RFX6: variants seen among roughly 807,000 people sequenced by gnomAD.
The protein encoded by RFX6 is DNA-binding protein RFX6.
A neutral mutation model predicts 110.8 loss-of-function variants in RFX6; 50 were observed. The ratio of observed to expected loss-of-function variants is 0.45; its 90% CI spans 0.36 to 0.57. The LOEUF (loss-of-function observed/expected upper bound fraction) is 0.57. RFX6 is among the 20% of genes least tolerant of loss of function. The probability of loss-of-function intolerance (pLI) is 0.00; values close to 1 mark genes in which losing one functional copy is unlikely to be tolerated. For missense variants in RFX6, 990 were observed against 1,127.0 expected, an observed-to-expected ratio of 0.88 and a Z score of 1.74; for synonymous variants, 383 against 411.2, an observed-to-expected ratio of 0.93 and a Z score of 0.83.
chr6:116,892,650 C>T (rs963172917), intron 4 of RFX6, among the ~76,000 whole-genome samples: 3 of 152,162 alleles, frequency 2.0e-5, no homozygotes, highest in African/African-American at 7.2e-5. Context: ...TTCCCCACCA[C>T]CATGTTCCCA....
At chr6:116,917,459 A>C (rs1775493511) in intron 9 of RFX6, among the ~76,000 whole-genome samples, 1 of 151,996 alleles carries the variant, frequency 6.6e-6, no homozygotes, top group South Asian at 2.1e-4. Context: ...GAGGGGAGGC[A>C]GCTCCGTGAG....
chr6:116,884,163 C>T (rs1774650687), intron 4 of RFX6, among the ~76,000 whole-genome samples: 1 of 152,132 alleles, frequency 6.6e-6, no homozygotes, highest in African/African-American at 2.4e-5. Context: ...AAATTTTACC[C>T]ATTTGAAAGA....
intron 2 of RFX6, among the ~76,000 whole-genome samples, chr6:116,880,241 C>A (rs1392871182): frequency 6.6e-6 from 1 of 151,994 alleles, no homozygotes; most frequent in Non-Finnish European, 1.5e-5. Flanking sequence ...TGTCACAGAG[C>A]AAATCATGAT....
Position 116,922,156 on chromosome 6 carries a change from T to G in RFX6, c.1437+5T>G, listed in dbSNP as rs1775613909. ...GTAGAACAGAGAGTTATTAAGGTAC[T>G]TTTTAATGACAGATTCAGAAAATAA... On this transcript the variant is annotated splice_donor_5th_base_variant and intron_variant, in intron 13 of 18. Transcript: ENST00000332958. The G allele has an allele frequency of 4.1e-6, 5 of 1,226,402 alleles. No individual in the cohort carries two copies. The East Asian group carries it at 9.3e-5, about 23-fold the overall frequency. 76.0% of individuals were successfully genotyped at this position (1,226,402 alleles called of 1,614,324 possible). A position where few individuals can be genotyped will look rare whatever the true frequency, so the allele number is the denominator to read the frequency against.
At chr6:116,878,094 A>T (rs1459043015) in intron 2 of RFX6, 142 bp downstream of exon 2, 15 of 863,918 alleles carry the variant, frequency 1.7e-5, no homozygotes, top group Admixed American at 1.6e-4. Context: ...TTAACCCAGA[A>T]TTTTTTTCAC....
intron 4 of RFX6, 85 bp downstream of exon 4, chr6:116,882,513 A>G (rs555468931): frequency 2.1e-6 from 2 of 947,674 alleles, no homozygotes; most frequent in Admixed American, 1.7e-5. Context: ...CTTTGTCAGT[A>G]CAAAGAGAAC....
intron 7 of RFX6, among the ~76,000 whole-genome samples, chr6:116,913,519 T>C (rs1430109390): frequency 6.6e-6 from 1 of 152,190 alleles, no homozygotes; most frequent in Non-Finnish European, 1.5e-5. Context: ...AGCTAAGCCT[T>C]GCCTCTGCTC....
chr6:116,916,420 A>T (rs1194553971), intron 9 of RFX6, 106 bp downstream of exon 9: 21 of 785,130 alleles, frequency 2.7e-5, no homozygotes, highest in Non-Finnish European at 4.2e-5. Flanking sequence ...TTATGGCTGG[A>T]TATACACTGT....
intron 6 of RFX6, among the ~76,000 whole-genome samples, chr6:116,908,596 A>G (rs562135414): frequency 1.3e-5 from 2 of 151,970 alleles, no homozygotes; most frequent in South Asian, 4.2e-4. Flanking sequence ...TTTTACCACT[A>G]AGTAAGACAT....
rs775683044 is a variant in RFX6 at position 116,931,351 on chromosome 6, A to C, written c.2632A>C (p.Ile878Leu). ...PVLASSLQTP[I>L]PSSSSQCMYG... The stretch of plus-strand genomic sequence containing the variant: ...TACAGCTTCCAGTTTGCAAACCCCA[A>C]TTCCTTCTTCCTCATCCCAATGTAT... Residue 878 changes from isoleucine to leucine, a missense_variant, in exon 19 of 19, where the codon ATT becomes CTT. Ile to Leu is a conservative substitution (Grantham distance 5). Around this residue, in one of 5 missense-constraint regions of RFX6, gnomAD observed 438 missense variants for 441.9 expected, o/e 0.99. Transcript: ENST00000332958. 1 of 1,613,094 alleles carries C rather than the reference A, an allele frequency of 6.2e-7. No homozygotes were observed. The highest frequency in any genetic ancestry group is 1.3e-5 in the African/African-American group (1 of 74,994).
intron 6 of RFX6, among the ~76,000 whole-genome samples, chr6:116,905,845 A>AT (rs910064525): frequency 1.1e-4 from 16 of 151,836 alleles, no homozygotes; most frequent in Non-Finnish European, 2.1e-4. Flanking sequence ...ATGAAGAACT[A>AT]TTTTTTTTAT....
intron 6 of RFX6, among the ~76,000 whole-genome samples, chr6:116,898,530 C>T (rs1049894067): frequency 6.6e-6 from 1 of 151,910 alleles, no homozygotes; most frequent in African/African-American, 2.4e-5. Flanking sequence ...GATGATTAGA[C>T]TAATGTCTAA....
chr6:116,891,867 GT>G (rs1394588241), intron 4 of RFX6, among the ~76,000 whole-genome samples: 1 of 151,988 alleles, frequency 6.6e-6, no homozygotes, highest in African/African-American at 2.4e-5. Context: ...TTTCCATTAA[GT>G]TTTCCATTTC....
At chr6:116,895,352 C>T in intron 6 of RFX6, 145 bp downstream of exon 6, 1 of 553,032 alleles carries the variant, frequency 1.8e-6, no homozygotes, top group Middle Eastern at 3.8e-4. Context: ...AGATACAGCT[C>T]AATTAGATTT....
chr6:116,911,865 CT>C (rs2114689302), intron 7 of RFX6, among the ~76,000 whole-genome samples: 1 of 151,974 alleles, frequency 6.6e-6, no homozygotes, highest in South Asian at 2.1e-4. Flanking sequence ...TAGTAATGGG[CT>C]TTTTGTAGAA....
chr6:116,891,066 A>G (rs1480832736), intron 4 of RFX6, among the ~76,000 whole-genome samples: 4 of 152,196 alleles, frequency 2.6e-5, no homozygotes, highest in Non-Finnish European at 5.9e-5. Flanking sequence ...GGTTTTAAAA[A>G]CTGCAAGTAA....
At chr6:116,926,387 A>G (rs1013461485) in intron 16 of RFX6, among the ~76,000 whole-genome samples, 4 of 152,220 alleles carry the variant, frequency 2.6e-5, no homozygotes, top group Admixed American at 2.6e-4. Context: ...TTGTGTCAAC[A>G]TGAATATTTG....
At position 116,877,937 on chromosome 6, in the gene RFX6, A is replaced by G. The variant is rs1774500265; in HGVS notation, c.365A>G (p.Gln122Arg). 1 of 1,614,038 alleles carries G rather than the reference A, an allele frequency of 6.2e-7. No homozygotes were observed. Among genetic ancestry groups the G allele is most frequent in the Non-Finnish European group, 8.5e-7 (1 of 1,180,010 alleles). The change falls in exon 2 of 19, where the codon CAG becomes CGG. Residue 122 changes from glutamine (Q) to arginine (R), a missense_variant. Gln to Arg is a conservative substitution (Grantham distance 43, BLOSUM62 1). Coordinates refer to ENST00000332958, the MANE Select transcript of RFX6 (RefSeq NM_173560.4). ...QIVKDKKKQT[Q>R]LTLQWLEENY... ...GTGAAGGATAAAAAGAAGCAGACAC[A>G]GCTCACGCTGCAGTGGTGAGACTCG...
At chr6:116,892,551 G>T (rs1012063705) in intron 4 of RFX6, among the ~76,000 whole-genome samples, 2 of 152,200 alleles carry the variant, frequency 1.3e-5, no homozygotes, top group Admixed American at 6.5e-5. Context: ...AGTAGGTGAT[G>T]CAGATGCAGC....
Sources: allele counts gnomAD v4.1 joint callset (sites outside exome capture counted in the v4.1 genomes callset), GRCh38; gene constraint gnomAD v4.1.1; regional missense constraint gnomAD v4.1.1; transcripts MANE v1.5; gene names NCBI Gene and HGNC (gene_info 2026-07-23, HGNC 2026-07-21).